The following LAMA3 variants were observed in gnomAD, a reference collection of about 807,000 sequenced individuals.
LAMA3 encodes laminin subunit alpha-3.
Under a neutral mutation model 402.0 loss-of-function variants are expected in LAMA3, and 281 were observed. The ratio of observed to expected loss-of-function variants is 0.70; its 90% confidence interval spans 0.63 to 0.77. The LOEUF is 0.77. LAMA3 is among the 30% of genes least tolerant of loss of function. LAMA3 has a pLI of 0.00. For synonymous variants in LAMA3, 1,431 were observed against 1,558.4 expected (o/e 0.92, Z 1.93); for missense variants, 3,840 against 4,215.5 (o/e 0.91, Z 2.47).
At chr18:23,769,368 A>T (rs529746906) in intron 8 of LAMA3, among the ~76,000 whole-genome samples, 1 of 152,336 alleles carries the variant, frequency 6.6e-6, no homozygotes, top group South Asian at 2.1e-4. Flanking sequence ...AAAAAATTAG[A>T]GTATGTAGGG....
chr18:23,941,331 C>G (rs566965019), intron 68 of LAMA3, among the ~76,000 whole-genome samples: 8 of 142,694 alleles, frequency 5.6e-5, no homozygotes, highest in Admixed American at 2.8e-4. Flanking sequence ...TTGGCGCCCC[C>G]CCCCCGCCCG....
intron 2 of LAMA3, 119 bp from the exon 3 acceptor site, chr18:23,747,824 A>T: frequency 1.4e-6 from 1 of 737,064 alleles, no homozygotes; most frequent in Non-Finnish European, 2.5e-6. Flanking sequence ...CAGGATCGGG[A>T]TCTTGAGCAA....
At chr18:23,759,505 C>T (rs137980235) in intron 7 of LAMA3, among the ~76,000 whole-genome samples, 6,666 of 152,190 alleles carry the variant, frequency 0.044, 395 homozygotes, top group Admixed American at 0.17. Flanking sequence ...AAGCGGTTCT[C>T]CTGCCTCAGC....
chr18:23,935,607 C>T (rs2082290236), intron 67 of LAMA3, among the ~76,000 whole-genome samples: 1 of 152,074 alleles, frequency 6.6e-6, no homozygotes, highest in Non-Finnish European at 1.5e-5. Flanking sequence ...GGTATGTGAT[C>T]TTGGGCAATT....
chr18:23,822,266 A>G lies in LAMA3; in HGVS notation c.2319A>G (p.Ile773Met). 1 of 1,614,034 alleles carries G rather than the reference A, an allele frequency of 6.2e-7. No homozygotes were observed. The highest frequency in any genetic ancestry group is 8.5e-7 in the Non-Finnish European group (1 of 1,179,910). Residue 773 changes from isoleucine (I) to methionine (M), a missense_variant, in exon 20 of 75, where the codon ATA becomes ATG. Around this residue, in one of 3 missense-constraint regions of LAMA3, gnomAD observed 2,109 missense variants for 2,376.0 expected, o/e 0.89. Transcript: ENST00000313654. ...QMTSVQNDVR[I>M]TLNVGKSSGS... ...GTATTTTTCAGAATGATGTAAGAAT[A>G]ACATTGAATGTAGGGAAGTCAAGTG... is the stretch of plus-strand genomic sequence containing the variant.
At chr18:23,691,628 G>A (rs1301251501) in intron 1 of LAMA3, among the ~76,000 whole-genome samples, 2 of 152,168 alleles carry the variant, frequency 1.3e-5, no homozygotes, top group Non-Finnish European at 2.9e-5. Flanking sequence ...CTGGAGTGCA[G>A]TGGTGCTATC....
At chr18:23,769,692 C>T (rs1007041510) in intron 8 of LAMA3, among the ~76,000 whole-genome samples, 1 of 152,228 alleles carries the variant, frequency 6.6e-6, no homozygotes, top group Non-Finnish European at 1.5e-5. Flanking sequence ...AAACCACATA[C>T]ACACACACCA....
chr18:23,937,318 A>G (rs868819307), intron 67 of LAMA3, among the ~76,000 whole-genome samples: 1 of 144,812 alleles, frequency 6.9e-6, no homozygotes, highest in South Asian at 2.3e-4. Flanking sequence ...GTGAGCTGAG[A>G]TCGCGCCACT....
intron 1 of LAMA3, chr18:23,710,116 G>C (rs1320220188): frequency 2.8e-6 from 2 of 711,720 alleles, no homozygotes; most frequent in Non-Finnish European, 5.2e-6. Flanking sequence ...GAGGATATTT[G>C]GGCTGCCTCT....
At chr18:23,700,153 T>C (rs1407540330) in intron 1 of LAMA3, among the ~76,000 whole-genome samples, 1 of 152,118 alleles carries the variant, frequency 6.6e-6, no homozygotes, top group Non-Finnish European at 1.5e-5. Context: ...ATGTTCCTCC[T>C]CTTACTTTCG....
intron 23 of LAMA3, among the ~76,000 whole-genome samples, chr18:23,833,353 G>A (rs2063521139): frequency 6.6e-6 from 1 of 151,674 alleles, no homozygotes; most frequent in South Asian, 2.1e-4. Flanking sequence ...AGATGTGTGT[G>A]TGTTTTACAT....
At chr18:23,821,535 C>T (rs1399407196) in intron 19 of LAMA3, among the ~76,000 whole-genome samples, 1 of 152,214 alleles carries the variant, frequency 6.6e-6, no homozygotes, top group African/African-American at 2.4e-5. Flanking sequence ...CCAATCTGGA[C>T]ATGCAGTCAG....
At chr18:23,772,577 A>G (rs2062224870) in intron 8 of LAMA3, among the ~76,000 whole-genome samples, 1 of 152,232 alleles carries the variant, frequency 6.6e-6, no homozygotes, top group African/African-American at 2.4e-5. Flanking sequence ...AGACCTCAAC[A>G]TTAAAGTGAA....
chr18:23,866,056 C>T (rs1378340600), intron 36 of LAMA3, among the ~76,000 whole-genome samples: 4 of 152,214 alleles, frequency 2.6e-5, no homozygotes, highest in African/African-American at 4.8e-5. Flanking sequence ...TGGTCTCAAA[C>T]TCCTGACCTC....
rs1330112411 is a variant in LAMA3 at position 23,839,684 on chromosome 18, C to T, written c.3192-101C>T. ...CCCCCAGCACTGGATCCTTTTGATG[C>T]CCATGCAGTCCTATGCTCCAAGTCT... is the stretch of plus-strand genomic sequence containing the variant. On this transcript the variant is annotated intron_variant, in intron 26 of 74. Coordinates refer to ENST00000313654, the MANE Select transcript of LAMA3 (RefSeq NM_198129.4). This position sits in a 1 kb window ranked among gnomAD's most constrained non-coding sequence, Gnocchi z 4.5. 1.6e-6 allele frequency: 2 copies of T among 1,237,328 alleles called. No homozygotes were observed. The highest frequency in any genetic ancestry group is 1.7e-5 in the Admixed American group (1 of 57,668). The allele number at this position is 1,237,328 out of a possible 1,614,324, so 76.6% of individuals were successfully genotyped here.
rs775521954 is a variant in LAMA3, at chr18:23,903,094, T to C, written c.6287T>C (p.Ile2096Thr). Residue 2096 changes from isoleucine to threonine, a missense_variant, in exon 49 of 75, where the codon ATT (isoleucine) becomes ACT (threonine). Ile to Thr is a moderately conservative substitution (Grantham distance 89). Coordinates refer to ENST00000313654, the MANE Select transcript of LAMA3 (RefSeq NM_198129.4). ...TADSSLLQTNIALQLMEKSQK... is the reference protein window; with the variant it reads ...TADSSLLQTNTALQLMEKSQK... Reference sequence around the variant, plus strand: ...GACTCATCTTTGTTGCAAACCAACATTGCGCTGCAGCTGATGGAGAAAAGC... The same window carrying C: ...GACTCATCTTTGTTGCAAACCAACACTGCGCTGCAGCTGATGGAGAAAAGC... The C allele has an allele frequency of 6.2e-7, 1 of 1,611,792 alleles. No homozygotes were observed. The highest frequency in any genetic ancestry group is 2.2e-5 in the East Asian group (1 of 44,864).
chr18:23,878,658 T>C (rs1047280339), intron 39 of LAMA3, among the ~76,000 whole-genome samples: 1 of 152,228 alleles, frequency 6.6e-6, no homozygotes, highest in African/African-American at 2.4e-5. Context: ...TCCAGTATAT[T>C]TGAATATCAA....
At chr18:23,951,616 A>G (rs1240353297) in intron 72 of LAMA3, 68 bp from the exon 73 acceptor site, 1 of 1,249,406 alleles carries the variant, frequency 8.0e-7, no homozygotes, top group Non-Finnish European at 1.2e-6. Context: ...TGGGGAGGGA[A>G]GATGGCAGGG....
chr18:23,853,037 C>T (rs2063981229), intron 32 of LAMA3, among the ~76,000 whole-genome samples: 1 of 152,176 alleles, frequency 6.6e-6, no homozygotes, highest in South Asian at 2.1e-4. Context: ...GCTTAGCCAG[C>T]TTCTCCCTTA....
Sources: gnomAD v4.1 joint callset for allele counts (sites outside exome capture counted in the v4.1 genomes callset) on GRCh38, gnomAD v4.1.1 for gene constraint, gnomAD v4.1.1 regional missense constraint, Gnocchi (gnomAD v3.1) non-coding constraint, MANE v1.5 for transcripts, NCBI Gene and HGNC (gene_info 2026-07-23, HGNC 2026-07-21) for gene names.